EFHC2: variants seen among roughly 807,000 people sequenced by gnomAD.
EFHC2 encodes EF-hand domain-containing family member C2.
A neutral mutation model predicts 52.7 loss-of-function variants in EFHC2; 18 were observed. The observed-to-expected ratio is 0.34, with a 90% CI of 0.24 to 0.51. EFHC2 has a LOEUF of 0.51. EFHC2 is among the 20% of genes least tolerant of loss of function. The pLI is 0.97. For synonymous variants in EFHC2, 203 were observed against 204.1 expected (o/e 0.99, Z 0.04); for missense variants, 513 against 562.5 (o/e 0.91, Z 0.89).
At chrX:44,166,714 T>C (rs760578096) in intron 13 of EFHC2, among the ~76,000 whole-genome samples, 1 of 111,723 alleles carries the variant, frequency 9.0e-6, no homozygotes, top group Non-Finnish European at 1.9e-5. Context: ...GTTTCAGAAG[T>C]ATAGTATCCT....
At chrX:44,201,446 G>A (rs767515944) in intron 11 of EFHC2, among the ~76,000 whole-genome samples, 47 of 111,239 alleles carry the variant, frequency 4.2e-4, no homozygotes, top group Non-Finnish European at 5.7e-4. Context: ...GGGTTAACAA[G>A]TTAAAATTTG....
At chrX:44,162,365 G>T (rs1341988513) in intron 14 of EFHC2, among the ~76,000 whole-genome samples, 1 of 111,433 alleles carries the variant, frequency 9.0e-6, no homozygotes, top group Non-Finnish European at 1.9e-5. Flanking sequence ...GGAGGTTGTG[G>T]TGAGCTGAGA....
rs1372966334 is a variant in EFHC2, at chrX:44,231,443, C to T, written c.1620+1038G>A. Reference sequence around the variant, plus strand: ...CAGAGCTGTGTTGTCAGCTGAGGCTCTCCCTACCCACCCCTCCTCCTTCCT... The same window carrying T: ...CAGAGCTGTGTTGTCAGCTGAGGCTTTCCCTACCCACCCCTCCTCCTTCCT... On this transcript the variant is annotated intron_variant, in intron 10 of 14. Transcript: ENST00000420999. Among the ~76,000 whole-genome samples, 8 of 111,189 alleles carry T rather than the reference C, an allele frequency of 7.2e-5. No individual in the cohort carries two copies. In the Admixed American group the frequency reaches 7.6e-4, roughly 11 times the overall value.
intron 1 of EFHC2, among the ~76,000 whole-genome samples, chrX:44,336,613 T>C (rs1262591931): frequency 9.0e-6 from 1 of 111,572 alleles, no homozygotes; most frequent in African/African-American, 3.3e-5. Context: ...CTGCCATTCA[T>C]AGGAGAGCAA....
At chrX:44,255,648 G>C (rs970300550) in intron 4 of EFHC2, among the ~76,000 whole-genome samples, 1 of 111,268 alleles carries the variant, frequency 9.0e-6, no homozygotes, top group African/African-American at 3.3e-5. Context: ...CCTACAGAGA[G>C]ATTTAGACTC....
At chrX:44,261,039 T>C in intron 4 of EFHC2, 36 bp downstream of exon 4, 1 of 1,140,258 alleles carries the variant, frequency 8.8e-7, no homozygotes, top group Non-Finnish European at 1.2e-6. Flanking sequence ...GATTTTTATT[T>C]TGAAGACAAG....
chrX:44,312,027 C>G (rs1218439813), intron 2 of EFHC2, among the ~76,000 whole-genome samples: 2 of 112,125 alleles, frequency 1.8e-5, no homozygotes, highest in African/African-American at 6.5e-5. Flanking sequence ...CATTCTGCAA[C>G]CAATGTGCCT....
intron 2 of EFHC2, among the ~76,000 whole-genome samples, chrX:44,281,610 C>T (rs1334383330): frequency 1.8e-5 from 2 of 111,573 alleles, no homozygotes; most frequent in Non-Finnish European, 3.8e-5. Context: ...TGTCAAGCCT[C>T]AGAAGGAGGA....
At chrX:44,323,929 C>G (rs1302664588) in intron 1 of EFHC2, among the ~76,000 whole-genome samples, 1 of 111,535 alleles carries the variant, frequency 9.0e-6, no homozygotes, top group African/African-American at 3.3e-5. Context: ...GCCAAACCAA[C>G]TTTGGGAGGA....
chrX:44,262,980 G>T (rs2038131429), intron 3 of EFHC2, among the ~76,000 whole-genome samples: 1 of 112,214 alleles, frequency 8.9e-6, no homozygotes, highest in Admixed American at 9.4e-5. Flanking sequence ...CAGAGGGAGA[G>T]ACTATTTTTG....
intron 11 of EFHC2, among the ~76,000 whole-genome samples, chrX:44,204,235 A>C (rs1309502316): frequency 3.9e-4 from 18 of 46,287 alleles, no homozygotes; most frequent in African/African-American, 5.6e-4. Flanking sequence ...TAGCAAACCC[A>C]AAAAAAAAAA....
intron 11 of EFHC2, among the ~76,000 whole-genome samples, chrX:44,180,976 C>T (rs1378613197): frequency 9.3e-6 from 1 of 107,582 alleles, no homozygotes; most frequent in Admixed American, 1.0e-4. Flanking sequence ...CACCTATAAT[C>T]CCAGCTACTT....
intron 14 of EFHC2, among the ~76,000 whole-genome samples, chrX:44,150,041 GT>G (rs1168474256): frequency 2.7e-5 from 3 of 111,612 alleles, no homozygotes; most frequent in African/African-American, 9.8e-5. Context: ...TGCCTCAATG[GT>G]TAATTAATAT....
At chrX:44,202,379 T>C (rs771451773) in intron 11 of EFHC2, among the ~76,000 whole-genome samples, 1 of 111,187 alleles carries the variant, frequency 9.0e-6, no homozygotes, top group African/African-American at 3.3e-5. Context: ...TCCATTGCAC[T>C]CCAGCCTGGG....
At chrX:44,225,638 G>A (rs775079277) in intron 11 of EFHC2, 1 of 112,345 alleles carries the variant, frequency 8.9e-6, no homozygotes, top group Non-Finnish European at 1.9e-5. Flanking sequence ...CTATCTCAAT[G>A]TACAAATTTG....
intron 14 of EFHC2, among the ~76,000 whole-genome samples, chrX:44,153,942 T>C (rs17146878): frequency 0.12 from 13,497 of 111,941 alleles, 756 homozygotes; most frequent in African/African-American, 0.21. Flanking sequence ...CAGCAATGCA[T>C]ATCAATTTTA....
chrX:44,225,137 C>T (rs2037221981), intron 11 of EFHC2, among the ~76,000 whole-genome samples: 1 of 109,847 alleles, frequency 9.1e-6, no homozygotes, highest in East Asian at 2.9e-4. Flanking sequence ...CTCTCACAGG[C>T]GAATCTGATA....
At chrX:44,178,005 C>T (rs1297984071) in intron 12 of EFHC2, among the ~76,000 whole-genome samples, 1 of 108,755 alleles carries the variant, frequency 9.2e-6, no homozygotes, top group Non-Finnish European at 1.9e-5. Flanking sequence ...GTGGTGCGAG[C>T]CTGTAGTCCC....
intron 4 of EFHC2, among the ~76,000 whole-genome samples, chrX:44,258,699 A>T (rs745443440): frequency 1.5e-3 from 164 of 109,083 alleles, no homozygotes; most frequent in African/African-American, 3.6e-3. Flanking sequence ...AAAAATATTT[A>T]AAAAAAAATT....
Sources: gnomAD v4.1 joint callset for allele counts (sites outside exome capture counted in the v4.1 genomes callset) on GRCh38, gnomAD v4.1.1 for gene constraint, MANE v1.5 for transcripts, NCBI Gene and HGNC (gene_info 2026-07-23, HGNC 2026-07-21) for gene names.